Variants in USP42 observed in about 807,000 individuals in gnomAD.
The protein encoded by USP42 is ubiquitin specific peptidase 42, also known as ubiquitin carboxyl-terminal hydrolase 42.
Under a neutral mutation model 113.0 loss-of-function variants are expected in USP42, and 23 were observed. The ratio of observed to expected loss-of-function variants is 0.20; its 90% CI spans 0.15 to 0.29. USP42 has a LOEUF of 0.29. Among genes scored for constraint, USP42 ranks in the 10% least tolerant of loss-of-function variants. The probability of loss-of-function intolerance (pLI) is 1.00; values close to 1 mark genes in which losing one functional copy is unlikely to be tolerated. For missense variants in USP42, 2,174 were observed against 1,779.8 expected (o/e 1.22, Z -3.99); for synonymous variants, 933 against 699.0 (o/e 1.33, Z -5.28).
At chr7:6,102,952 CA>C (rs1399796319), upstream of USP42, among the ~76,000 whole-genome samples, 1 of 150,904 alleles carries the variant, frequency 6.6e-6, no homozygotes, top group Non-Finnish European at 1.5e-5. Flanking sequence ...AAGGCTGACT[CA>C]GGGAGGGTCA....
chr7:6,144,401 G>T lies in USP42; in HGVS notation c.990+205G>T, dbSNP rs533544303. Among the ~76,000 whole-genome samples the T allele has an allele frequency of 7.2e-5, 11 of 152,222 alleles. No homozygotes were observed. The South Asian group carries it at 2.3e-3, about 32-fold the overall frequency. On this transcript the variant is annotated intron_variant, in intron 9 of 17. Coordinates refer to ENST00000306177, the MANE Select transcript of USP42 (RefSeq NM_032172.3). ...CCTGTATAATCTGAAATCCAAAGAG[G>T]ACTTCCTGCTAGACTTTGCCAGTTT...
In USP42 at chr7:6,144,190, T is replaced by A; in HGVS notation, c.984T>A (p.Ile328=). The A allele has an allele frequency of 6.3e-7, 1 of 1,582,800 alleles. No homozygotes were observed. The highest frequency in any genetic ancestry group is 8.6e-7 in the Non-Finnish European group (1 of 1,164,768). The change falls in exon 9 of 18, where the codon ATT becomes ATA. Residue 328 remains isoleucine (I), a synonymous_variant. Coordinates refer to ENST00000306177, the MANE Select transcript of USP42 (RefSeq NM_032172.3). The part of the protein sequence containing the change: ...KRFANFTGGK[I]AKDVKYPEYL... The stretch of plus-strand genomic sequence containing the variant: ...TTGCAAATTTTACCGGTGGAAAAAT[T>A]GCTAAGGTATGTGGATGATGTCATT...
At chr7:6,108,724 C>T (rs1370960568) in intron 1 of USP42, among the ~76,000 whole-genome samples, 1 of 152,192 alleles carries the variant, frequency 6.6e-6, no homozygotes, top group Non-Finnish European at 1.5e-5. Flanking sequence ...CGTGATCCAC[C>T]CGCCTTGGCC....
intron 3 of USP42, among the ~76,000 whole-genome samples, chr7:6,129,817 T>C (rs1780749666): frequency 6.8e-6 from 1 of 147,922 alleles, no homozygotes; most frequent in African/African-American, 2.5e-5. Flanking sequence ...GCCAAGATCA[T>C]GCCATTGTAC....
intron 1 of USP42, among the ~76,000 whole-genome samples, chr7:6,105,387 C>A (rs945423117): frequency 1.3e-5 from 2 of 149,174 alleles, no homozygotes; most frequent in Admixed American, 1.3e-4. Context: ...GCCTGGGGGC[C>A]GGGCAGGCAG....
intron 1 of USP42, among the ~76,000 whole-genome samples, chr7:6,107,040 G>T (rs1180141625): frequency 6.6e-6 from 1 of 152,242 alleles, no homozygotes; most frequent in Non-Finnish European, 1.5e-5. Context: ...AAGGTTATGT[G>T]TGTAGCAGAT....
At position 6,159,247 on chromosome 7, in the gene USP42, G is replaced by A. The variant is rs988672434; in HGVS notation, c.3944-203G>A. 4.6e-5 allele frequency among the ~76,000 whole-genome samples: 7 copies of A among 152,154 alleles called. No individual in the cohort carries two copies. Among genetic ancestry groups the A allele is most frequent in the Admixed American group, 6.6e-5 (1 of 15,266 alleles). On this transcript the variant is annotated intron_variant, in intron 16 of 17. Coordinates refer to ENST00000306177, the MANE Select transcript of USP42 (RefSeq NM_032172.3). This position sits in a 1 kb window ranked among gnomAD's most constrained non-coding sequence, Gnocchi z 4.1. ...GTTGGATGGAGCCCTCAGTCATCAC[G>A]TAAACCCTTTGACATCAGTAAAACC...
At position 6,154,127 on chromosome 7, in the gene USP42, C is replaced by T. The variant is rs770337360; in HGVS notation, c.2573C>T (p.Ala858Val). Reference protein sequence around the residue: ...LAEAPEGLSPAPPARSEEPCE... With the variant: ...LAEAPEGLSPVPPARSEEPCE... Reference sequence around the variant, plus strand: ...GAAGCCCCGGAAGGGTTGAGTCCGGCTCCGCCTGCGCGGTCGGAGGAGCCC... The same window carrying T: ...GAAGCCCCGGAAGGGTTGAGTCCGGTTCCGCCTGCGCGGTCGGAGGAGCCC... Residue 858 changes from alanine to valine, a missense_variant, in exon 15 of 18, where the codon GCT becomes GTT. Physicochemically the swap from Ala to Val is moderately conservative, Grantham distance 64. Coordinates refer to ENST00000306177, the MANE Select transcript of USP42 (RefSeq NM_032172.3). The T allele has an allele frequency of 3.1e-6, 5 of 1,599,840 alleles. No homozygotes were observed. In the Admixed American group the frequency reaches 5.0e-5, roughly 16 times the overall value.
intron 2 of USP42, among the ~76,000 whole-genome samples, chr7:6,112,166 T>C (rs1176354830): frequency 6.6e-6 from 1 of 152,128 alleles, no homozygotes; most frequent in Non-Finnish European, 1.5e-5. Flanking sequence ...AGAGAGCAGA[T>C]AGGCTAGGCA....
chr7:6,116,114 A>AC (rs965698840), intron 3 of USP42, among the ~76,000 whole-genome samples: 2 of 151,472 alleles, frequency 1.3e-5, no homozygotes, highest in Non-Finnish European at 2.9e-5. Context: ...AAAAAAAAAA[A>AC]AAAAAAACGT....
chr7:6,092,704 TC>T, the USP42 span, among the ~76,000 whole-genome samples: 1 of 151,144 alleles, frequency 6.6e-6, no homozygotes, highest in Non-Finnish European at 1.5e-5. Context: ...TAATATTTTG[TC>T]AATCCATAAA....
At position 6,161,462 on chromosome 7, in the gene USP42, T is replaced by TA. The variant is rs1363367562; in HGVS notation, c.*947dup. 6.6e-6 allele frequency: 1 copy of TA among 152,644 alleles called. No individual in the cohort carries two copies. Among genetic ancestry groups the TA allele is most frequent in the Non-Finnish European group, 1.5e-5 (1 of 68,050 alleles). 9.5% of individuals were successfully genotyped at this position (152,644 alleles called of 1,614,324 possible). A position where few individuals can be genotyped will look rare whatever the true frequency, so the allele number is the denominator to read the frequency against. On this transcript the variant is annotated 3_prime_UTR_variant, in exon 18 of 18. Coordinates refer to ENST00000306177, the MANE Select transcript of USP42 (RefSeq NM_032172.3). ...ACAGTTTGTGTTGTTCAGAGATGTT[T>TA]AAAGTTTGATCTTTGTTTTTCTAAA...
chr7:6,121,393 C>G (rs1224659378), intron 3 of USP42, among the ~76,000 whole-genome samples: 1 of 152,032 alleles, frequency 6.6e-6, no homozygotes. Flanking sequence ...GTATTACTGG[C>G]TTTGATTTGC....
At chr7:6,094,042 G>A in the USP42 span, among the ~76,000 whole-genome samples, 4 of 150,562 alleles carry the variant, frequency 2.7e-5, no homozygotes, top group East Asian at 1.9e-4. Flanking sequence ...CACCACACCC[G>A]GCTAATTTTT....
chr7:6,151,266 A>G (rs1376626560), intron 14 of USP42, among the ~76,000 whole-genome samples: 2 of 152,208 alleles, frequency 1.3e-5, no homozygotes, highest in African/African-American at 2.4e-5. Context: ...AACACTGCAC[A>G]CTTCAGCCGC....
intron 8 of USP42, 140 bp from the exon 9 acceptor site, chr7:6,143,945 G>A: frequency 2.0e-6 from 1 of 500,892 alleles, no homozygotes. Context: ...ACTGTTGGTT[G>A]AAGGCTGGTG....
intron 3 of USP42, among the ~76,000 whole-genome samples, chr7:6,133,205 A>T (rs1211883612): frequency 6.6e-6 from 1 of 152,238 alleles, no homozygotes; most frequent in South Asian, 2.1e-4. Context: ...CTGACAGCTC[A>T]GTCAGGGTAC....
chr7:6,120,745 G>A (rs1471874887), intron 3 of USP42, among the ~76,000 whole-genome samples: 3 of 147,330 alleles, frequency 2.0e-5, no homozygotes, highest in Non-Finnish European at 4.5e-5. Flanking sequence ...CATCATGCCC[G>A]GCTAATTTTT....
At chr7:6,124,761 C>G (rs1780430836) in intron 3 of USP42, among the ~76,000 whole-genome samples, 1 of 151,580 alleles carries the variant, frequency 6.6e-6, no homozygotes, top group Admixed American at 6.6e-5. Context: ...AAATCTTTTT[C>G]CTGCCTTCTT....
Sources: gnomAD v4.1 joint callset for allele counts (sites outside exome capture counted in the v4.1 genomes callset) on GRCh38, gnomAD v4.1.1 for gene constraint, Gnocchi (gnomAD v3.1) non-coding constraint, MANE v1.5 for transcripts, NCBI Gene and HGNC (gene_info 2026-07-23, HGNC 2026-07-21) for gene names.